Variants in NIBAN1 observed in about 807,000 individuals in gnomAD.
NIBAN1 encodes protein Niban 1.
NIBAN1 carries 81 observed loss-of-function variants against 75.1 expected under a neutral mutation model. That is an observed-to-expected ratio of 1.08 (90% CI 0.90 to 1.30). The LOEUF is 1.30. Ranked by LOEUF, NIBAN1 falls within the 50% of genes most tolerant of loss-of-function variation. The pLI, the probability that NIBAN1 is intolerant of heterozygous loss-of-function variation, is 0.00. For missense variants in NIBAN1, 1,133 were observed against 1,128.1 expected, an observed-to-expected ratio of 1.00 and a Z score of -0.06; for synonymous variants, 436 against 424.8, an observed-to-expected ratio of 1.03 and a Z score of -0.32.
chr1:184,945,622 TA>T (rs1280341091), intron 1 of NIBAN1, among the ~76,000 whole-genome samples: 6 of 152,186 alleles, frequency 3.9e-5, no homozygotes, highest in Admixed American at 3.3e-4. Flanking sequence ...TAACATATTT[TA>T]AGTTAAAAGA....
chr1:184,822,409 A>C (rs1200924357), intron 8 of NIBAN1, among the ~76,000 whole-genome samples: 1 of 152,208 alleles, frequency 6.6e-6, no homozygotes, highest in East Asian at 1.9e-4. Flanking sequence ...AGTTCCAACT[A>C]TTCACTTCTG....
intron 1 of NIBAN1, among the ~76,000 whole-genome samples, chr1:184,960,623 A>ATAATGTTGT (rs1658606006): frequency 6.7e-6 from 1 of 150,106 alleles, no homozygotes; most frequent in African/African-American, 2.5e-5. Flanking sequence ...CAACAACAAA[A>ATAATGTTGT]TGTTGTTGTT....
chr1:184,890,183 G>C lies in NIBAN1; in HGVS notation c.358C>G (p.Pro120Ala), dbSNP rs556404470. 6.2e-7 allele frequency: 1 copy of C among 1,613,924 alleles called. No individual in the cohort carries two copies. The highest frequency in any genetic ancestry group is 1.3e-5 in the African/African-American group (1 of 75,010). The change falls in exon 4 of 14, where the codon CCA (proline) becomes GCA (alanine). Residue 120 changes from proline (P) to alanine (A), a missense_variant. Coordinates refer to ENST00000367511, the MANE Select transcript of NIBAN1 (RefSeq NM_052966.4). ...RGAAPKCRIL[P>A]AGGKVLTSED... The stretch of plus-strand genomic sequence containing the variant: ...GAGGTTAACACCTTGCCACCGGCTG[G>C]AAGAATTCGACATTTAGGAGCAGCT...
chr1:184,964,290 G>A (rs1658723050), intron 1 of NIBAN1, among the ~76,000 whole-genome samples: 4 of 152,166 alleles, frequency 2.6e-5, no homozygotes, highest in South Asian at 4.1e-4. Context: ...AGGATTTTCC[G>A]AGTGCTCTAA....
chr1:184,807,613 AC>A (rs1248905397), intron 10 of NIBAN1, among the ~76,000 whole-genome samples: 1 of 151,818 alleles, frequency 6.6e-6, no homozygotes, highest in Non-Finnish European at 1.5e-5. Context: ...CACAGTAAAA[AC>A]CCCATCTCTA....
chr1:184,795,882 G>C lies in NIBAN1; in HGVS notation c.1882C>G (p.Pro628Ala). 1 of 1,613,512 alleles carries C rather than the reference G, an allele frequency of 6.2e-7. No individual in the cohort carries two copies. ...TTGGCCAACGAGCTAGGGACCTCAGGCTGCTTCTCTTCCTCTGACTCCTGG... is the reference window on the plus strand; with the variant it reads ...TTGGCCAACGAGCTAGGGACCTCAGCCTGCTTCTCTTCCTCTGACTCCTGG... The part of the protein sequence containing the change: ...VFQESEEEKQ[P>A]EVPSSLAKGE... The change falls in exon 14 of 14, where the codon CCT becomes GCT. Residue 628 changes from proline (P) to alanine (A), a missense_variant. Transcript: ENST00000367511.
chr1:184,814,536 T>C (rs1654473072), intron 9 of NIBAN1, among the ~76,000 whole-genome samples: 1 of 152,180 alleles, frequency 6.6e-6, no homozygotes, highest in Non-Finnish European at 1.5e-5. Flanking sequence ...GCTACATTCA[T>C]TGGGTCTTAT....
At position 184,934,499 on chromosome 1, in the gene NIBAN1, C is replaced by T. The variant is rs1657904411; in HGVS notation, c.56-35190G>A. 2.0e-5 allele frequency among the ~76,000 whole-genome samples: 3 copies of T among 152,314 alleles called. No individual in the cohort carries two copies. In the South Asian group the frequency reaches 6.2e-4, roughly 32 times the overall value. On this transcript the variant is annotated intron_variant, in intron 1 of 13. Coordinates refer to ENST00000367511, the MANE Select transcript of NIBAN1 (RefSeq NM_052966.4). The stretch of plus-strand genomic sequence containing the variant: ...TTGAAATTGACCTGGCTCAGGGGCT[C>T]ACACCTGTAATCGCAGCACTTTGGG...
intron 1 of NIBAN1, among the ~76,000 whole-genome samples, chr1:184,903,462 G>A (rs897805164): frequency 2.6e-5 from 4 of 152,146 alleles, no homozygotes; most frequent in African/African-American, 9.7e-5. Context: ...GGAGGTGTTT[G>A]GGTCATGGGG....
At chr1:184,879,371 T>C (rs1656316381) in intron 5 of NIBAN1, among the ~76,000 whole-genome samples, 1 of 152,216 alleles carries the variant, frequency 6.6e-6, no homozygotes. Flanking sequence ...CATAGATATG[T>C]GCATGTCCAT....
intron 1 of NIBAN1, among the ~76,000 whole-genome samples, chr1:184,955,415 T>C (rs553208887): frequency 1.3e-5 from 2 of 150,934 alleles, no homozygotes; most frequent in South Asian, 4.2e-4. Flanking sequence ...GGCTGGAGTG[T>C]GCAACCTCTG....
intron 5 of NIBAN1, among the ~76,000 whole-genome samples, chr1:184,847,142 C>T (rs1655459039): frequency 6.0e-5 from 2 of 33,532 alleles, no homozygotes; most frequent in Admixed American, 2.6e-4. Context: ...AGACACTCCT[C>T]GAGAAGAGCA....
At chr1:184,925,791 T>C (rs530794419) in intron 1 of NIBAN1, among the ~76,000 whole-genome samples, 3 of 152,342 alleles carry the variant, frequency 2.0e-5, no homozygotes, top group East Asian at 3.9e-4. Context: ...GTATTGTCTA[T>C]GTGTTGAAAA....
intron 4 of NIBAN1, among the ~76,000 whole-genome samples, chr1:184,889,640 T>C (rs1571550071): frequency 6.6e-6 from 1 of 152,110 alleles, no homozygotes; most frequent in Non-Finnish European, 1.5e-5. Context: ...CCTTGTGGAG[T>C]GCTATCAAAG....
chr1:184,882,008 G>C (rs1054381994), intron 5 of NIBAN1, among the ~76,000 whole-genome samples: 1 of 152,068 alleles, frequency 6.6e-6, no homozygotes, highest in Admixed American at 6.5e-5. Flanking sequence ...AGTTGCTCTG[G>C]TTCACACGCC....
intron 3 of NIBAN1, among the ~76,000 whole-genome samples, chr1:184,893,586 G>A (rs926697808): frequency 6.6e-6 from 1 of 152,110 alleles, no homozygotes; most frequent in African/African-American, 2.4e-5. Flanking sequence ...GAAAACCCAG[G>A]CAGATTCAAA....
At chr1:184,806,192 C>A in intron 10 of NIBAN1, 136 bp from the exon 11 acceptor site, 1 of 626,132 alleles carries the variant, frequency 1.6e-6, no homozygotes, top group Non-Finnish European at 2.8e-6. Context: ...TGGGGGTACC[C>A]AAGGCAACAT....
Position 184,824,643 on chromosome 1 carries a change from C to T in NIBAN1, c.718-901G>A, listed in dbSNP as rs974638890. Among the ~76,000 whole-genome samples, 7 of 152,204 alleles carry T rather than the reference C, an allele frequency of 4.6e-5. No homozygotes were observed. In the South Asian group the frequency reaches 8.3e-4, roughly 18 times the overall value. On this transcript the variant is annotated intron_variant, in intron 6 of 13. Transcript: ENST00000367511. ...CTGGAGATGCCAGGGGAAGTGTGTG[C>T]GTTTTTGATAACTGTGTACTTCTGG...
chr1:184,866,339 G>C (rs1259548577), intron 5 of NIBAN1, among the ~76,000 whole-genome samples: 5 of 152,094 alleles, frequency 3.3e-5, no homozygotes, highest in African/African-American at 9.7e-5. Flanking sequence ...TTAACCTAAG[G>C]CCTTCAGAAA....
Sources: gnomAD v4.1 joint callset for allele counts (sites outside exome capture counted in the v4.1 genomes callset) on GRCh38, gnomAD v4.1.1 for gene constraint, MANE v1.5 for transcripts, NCBI Gene and HGNC (gene_info 2026-07-23, HGNC 2026-07-21) for gene names.